The following ZNF536 variants were observed in gnomAD, a reference collection of about 807,000 sequenced individuals.
ZNF536 encodes the protein zinc finger protein 536.
ZNF536 carries 13 observed loss-of-function variants against 84.5 expected under a neutral mutation model. The ratio of observed to expected loss-of-function variants is 0.15; its 90% CI spans 0.10 to 0.24. The LOEUF (loss-of-function observed/expected upper bound fraction) is 0.24, where lower values mean the gene tolerates loss of function less well. Ranked by LOEUF, ZNF536 falls within the 10% of genes least tolerant of loss-of-function variation. The probability of loss-of-function intolerance (pLI) is 1.00; values close to 1 mark genes in which losing one functional copy is unlikely to be tolerated. For synonymous variants in ZNF536, 811 were observed against 742.5 expected, an observed-to-expected ratio of 1.09 and a Z score of -1.50; for missense variants, 1,536 against 1,747.5, an observed-to-expected ratio of 0.88 and a Z score of 2.16.
intron 1 of ZNF536, among the ~76,000 whole-genome samples, chr19:30,438,076 T>C (rs1247504772): frequency 6.6e-6 from 1 of 152,194 alleles, no homozygotes; most frequent in Non-Finnish European, 1.5e-5. Context: ...GCCTGCCCTC[T>C]GCTGGCCCCT....
rs149590459 is a variant in ZNF536, at chr19:30,449,876, G to A, written c.2170+4144G>A. ...AGCATCAAAGGCCTTTATCTGGGGC[G>A]CTTTCGCATTTACATGGGGTGTATA... On this transcript the variant is annotated intron_variant, in intron 2 of 4. Coordinates refer to ENST00000355537, the MANE Select transcript of ZNF536 (RefSeq NM_014717.3). Among the ~76,000 whole-genome samples the A allele has an allele frequency of 9.1e-4, 139 of 152,208 alleles. 2 individuals carry two copies. In the East Asian group the frequency reaches 0.017, roughly 19 times the overall value.
At chr19:30,361,918 C>T (rs1452928029) in intron 3 of ZNF536, among the ~76,000 whole-genome samples, 1 of 152,138 alleles carries the variant, frequency 6.6e-6, no homozygotes, top group Non-Finnish European at 1.5e-5. Flanking sequence ...CCCTCTTGGC[C>T]CTTCAGAGGT....
Position 30,548,207 on chromosome 19 carries a change from T to C in ZNF536, c.2588T>C (p.Val863Ala), listed in dbSNP as rs2146189610. 6.2e-7 allele frequency: 1 copy of C among 1,613,940 alleles called. No individual in the cohort carries two copies. Among genetic ancestry groups the C allele is most frequent in the Non-Finnish European group, 8.5e-7 (1 of 1,180,000 alleles). The change falls in exon 4 of 5, where the codon GTT becomes GCT. Residue 863 changes from valine to alanine, a missense_variant. Coordinates refer to ENST00000355537, the MANE Select transcript of ZNF536 (RefSeq NM_014717.3). ...GCATCTCAGCAGTGGACATCAGGGG[T>C]TCTCTCCTCTGGAGATCACTCGGGG... is the stretch of plus-strand genomic sequence containing the variant. ...GPASQQWTSG[V>A]LSSGDHSGQA...
rs144893944 is a variant in ZNF536, at chr19:30,382,690, T to G, written c.-3+10134T>G. On this transcript the variant is annotated intron_variant, in intron 1 of 4. Transcript: ENST00000355537. ...AAAGGCCGATAGTGAGGGAAGGAAG[T>G]ATGGCTTGGCTTGGCAGAAGCTACC... Among the ~76,000 whole-genome samples the G allele has an allele frequency of 1.7e-3, 262 of 151,968 alleles. 1 individual carries two copies. Among genetic ancestry groups the G allele is most frequent in the African/African-American group, 6.0e-3 (248 of 41,454 alleles).
intron 1 of ZNF536, among the ~76,000 whole-genome samples, chr19:30,634,872 G>C (rs1175634895): frequency 6.6e-6 from 1 of 152,124 alleles, no homozygotes; most frequent in African/African-American, 2.4e-5. Flanking sequence ...TTGTGTGCCT[G>C]GGTACGTGTG....
chr19:30,459,988 C>T (rs543929230), intron 2 of ZNF536, among the ~76,000 whole-genome samples: 3 of 152,272 alleles, frequency 2.0e-5, no homozygotes, highest in African/African-American at 7.2e-5. Context: ...TGGACTCTAA[C>T]TGAGGTGGAG....
At chr19:30,348,814 C>T (rs980142557) in intron 2 of ZNF536, among the ~76,000 whole-genome samples, 6 of 132,666 alleles carry the variant, frequency 4.5e-5, no homozygotes, top group African/African-American at 1.1e-4. Context: ...TTTTTCTTTT[C>T]TTTTTTTTTT....
chr19:30,323,128 G>C (rs1265978068), intron 2 of ZNF536, among the ~76,000 whole-genome samples: 1 of 151,554 alleles, frequency 6.6e-6, no homozygotes. Context: ...CCAGGGCCAG[G>C]GAGCTTCTAA....
intron 1 of ZNF536, among the ~76,000 whole-genome samples, chr19:30,398,891 C>G (rs1600560615): frequency 6.6e-6 from 1 of 152,164 alleles, no homozygotes. Flanking sequence ...GTGCATGTCT[C>G]TTTATAGTAG....
chr19:30,358,699 G>A (rs1011514966), intron 3 of ZNF536, among the ~76,000 whole-genome samples: 2 of 152,206 alleles, frequency 1.3e-5, no homozygotes, highest in African/African-American at 2.4e-5. Flanking sequence ...GCCAATACTC[G>A]GGATGCAATC....
chr19:30,289,895 C>T (rs940029219), intron 2 of ZNF536, among the ~76,000 whole-genome samples: 1 of 152,124 alleles, frequency 6.6e-6, no homozygotes, highest in Non-Finnish European at 1.5e-5. Flanking sequence ...TAATATAAAA[C>T]TTACTATCTT....
At position 30,514,007 on chromosome 19, in the gene ZNF536, G is replaced by T. The variant is rs185138611; in HGVS notation, c.2171-20840G>T. 2.2e-3 allele frequency among the ~76,000 whole-genome samples: 328 copies of T among 152,350 alleles called. 2 individuals carry two copies. Among genetic ancestry groups the T allele is most frequent in the South Asian group, 3.9e-3 (19 of 4,824 alleles). On this transcript the variant is annotated intron_variant, in intron 2 of 4. Transcript: ENST00000355537. The stretch of plus-strand genomic sequence containing the variant: ...ACACGAGAGCCCATTGGCTTTCTGT[G>T]TGGGGGAGCAATGCACCAGCTCAGT...
At chr19:30,344,707 C>G (rs909467010) in intron 2 of ZNF536, among the ~76,000 whole-genome samples, 1 of 152,110 alleles carries the variant, frequency 6.6e-6, no homozygotes, top group African/African-American at 2.4e-5. Flanking sequence ...CCATGGTGGC[C>G]TCGGGGATTC....
chr19:30,536,125 A>G (rs1227067401), intron 3 of ZNF536, among the ~76,000 whole-genome samples: 1 of 152,140 alleles, frequency 6.6e-6, no homozygotes, highest in East Asian at 1.9e-4. Context: ...TCCAGGTCCC[A>G]CCACTCTCCC....
At chr19:30,686,455 C>T (rs539212399) in intron 1 of ZNF536, among the ~76,000 whole-genome samples, 2 of 152,348 alleles carry the variant, frequency 1.3e-5, no homozygotes, top group African/African-American at 4.8e-5. Flanking sequence ...CACCCAGGGG[C>T]ACTGACAATG....
chr19:30,586,791 T>G (rs1310023586), intron 1 of ZNF536, among the ~76,000 whole-genome samples: 2 of 152,224 alleles, frequency 1.3e-5, no homozygotes, highest in Non-Finnish European at 2.9e-5. Flanking sequence ...AAGAAACACT[T>G]GTCAACATTA....
At chr19:30,314,077 T>C (rs1183208756) in intron 2 of ZNF536, among the ~76,000 whole-genome samples, 1 of 152,208 alleles carries the variant, frequency 6.6e-6, no homozygotes, top group Non-Finnish European at 1.5e-5. Flanking sequence ...ATGGCTGGTG[T>C]GCTAAGCAAA....
At chr19:30,260,586 G>A (rs1305777442) in intron 1 of ZNF536, among the ~76,000 whole-genome samples, 2 of 152,200 alleles carry the variant, frequency 1.3e-5, no homozygotes, top group African/African-American at 4.8e-5. Flanking sequence ...AGAGACTCTT[G>A]GTGAGTTCAG....
At chr19:30,271,581 T>A (rs2025858666) in intron 1 of ZNF536, among the ~76,000 whole-genome samples, 1 of 152,112 alleles carries the variant, frequency 6.6e-6, no homozygotes. Flanking sequence ...AACCCCACCA[T>A]TCTCTCGCCA....
Sources: allele counts gnomAD v4.1 joint callset (sites outside exome capture counted in the v4.1 genomes callset), GRCh38; gene constraint gnomAD v4.1.1; transcripts MANE v1.5; gene names NCBI Gene and HGNC (gene_info 2026-07-23, HGNC 2026-07-21).